ROCK1: variants seen among roughly 807,000 people sequenced by gnomAD.
The protein encoded by ROCK1 is rho-associated protein kinase 1.
A neutral mutation model predicts 196.8 loss-of-function variants in ROCK1; 36 were observed. The ratio of observed to expected loss-of-function variants is 0.18; its 90% confidence interval spans 0.14 to 0.24. The LOEUF (loss-of-function observed/expected upper bound fraction) is 0.24. ROCK1 is among the 10% of genes least tolerant of loss of function. The pLI is 1.00. For synonymous variants in ROCK1, 443 were observed against 515.9 expected, an observed-to-expected ratio of 0.86 and a Z score of 1.91; for missense variants, 920 against 1,562.0, an observed-to-expected ratio of 0.59 and a Z score of 6.93.
At chr18:21,070,667 CTTT>C in intron 1 of ROCK1, 54 bp from the exon 2 acceptor site, 1 of 1,120,194 alleles carries the variant, frequency 8.9e-7, no homozygotes, top group Non-Finnish European at 1.3e-6. Flanking sequence ...ATACAGTCTC[CTTT>C]TTTATGAAAG....
chr18:20,982,660 G>C (rs1366898644), intron 21 of ROCK1, 103 bp downstream of exon 21: 3 of 600,646 alleles, frequency 5.0e-6, no homozygotes, highest in Non-Finnish European at 9.0e-6. Flanking sequence ...AGAAGATGAA[G>C]AGTCATTTGA....
At chr18:21,091,370 C>T (rs1488816831) in intron 1 of ROCK1, among the ~76,000 whole-genome samples, 15 of 152,012 alleles carry the variant, frequency 9.9e-5, no homozygotes, top group Non-Finnish European at 2.1e-4. Flanking sequence ...TCTGGGAGGC[C>T]GAGGTGGGTG....
At chr18:21,020,037 A>C (rs2035901112) in intron 12 of ROCK1, 114 bp downstream of exon 12, 1 of 570,666 alleles carries the variant, frequency 1.8e-6, no homozygotes, top group Non-Finnish European at 3.0e-6. Context: ...TATCAGTAGT[A>C]ATCTTTACAT....
chr18:21,030,523 G>GA (rs2035996775), intron 9 of ROCK1, among the ~76,000 whole-genome samples: 1 of 152,156 alleles, frequency 6.6e-6, no homozygotes. Context: ...TGCTGTTTCT[G>GA]ATGGACCTAC....
intron 10 of ROCK1, 30 bp from the exon 11 acceptor site, chr18:21,023,710 GAAAAC>G: frequency 5.9e-6 from 8 of 1,349,086 alleles, no homozygotes; most frequent in Non-Finnish European, 8.2e-6. Flanking sequence ...AAAAAGAAAA[GAAAAC>G]AAAAAACTCT....
chr18:21,026,974 C>T lies in ROCK1; in HGVS notation c.1211+1802G>A, dbSNP rs142823788. On this transcript the variant is annotated intron_variant, in intron 10 of 32. Coordinates refer to ENST00000399799, the MANE Select transcript of ROCK1 (RefSeq NM_005406.3). ...TTTTTTTTGAGACAGAGTCTCGCTCCATTGCCCAGGCTGGAGTGCAGTGGC... is the reference window on the plus strand; with the variant it reads ...TTTTTTTTGAGACAGAGTCTCGCTCTATTGCCCAGGCTGGAGTGCAGTGGC... Among the ~76,000 whole-genome samples, 403 of 149,820 alleles carry T rather than the reference C, an allele frequency of 2.7e-3. 1 individual carries two copies. Among genetic ancestry groups the T allele is most frequent in the African/African-American group, 9.0e-3 (365 of 40,694 alleles).
chr18:21,054,512 G>A (rs1379411293), intron 2 of ROCK1, among the ~76,000 whole-genome samples: 7 of 151,758 alleles, frequency 4.6e-5, no homozygotes, highest in East Asian at 1.9e-4. Context: ...TTAGACAACC[G>A]ACCCTGAAAG....
chr18:21,020,988 G>T (rs2035908537), intron 11 of ROCK1, among the ~76,000 whole-genome samples: 1 of 152,176 alleles, frequency 6.6e-6, no homozygotes, highest in African/African-American at 2.4e-5. Context: ...ACAGCTTAGA[G>T]GGCAGTGAAG....
intron 6 of ROCK1, among the ~76,000 whole-genome samples, chr18:21,043,130 G>A (rs2036122041): frequency 6.6e-6 from 1 of 152,062 alleles, no homozygotes; most frequent in Non-Finnish European, 1.5e-5. Context: ...GGAGTTCATA[G>A]GATAGGGCAT....
intron 27 of ROCK1, among the ~76,000 whole-genome samples, chr18:20,965,486 T>C (rs1378857943): frequency 6.6e-6 from 1 of 151,820 alleles, no homozygotes; most frequent in Non-Finnish European, 1.5e-5. Context: ...ATACATAGAG[T>C]AAGAATCCCT....
At chr18:20,999,835 G>C (rs375574860) in intron 16 of ROCK1, among the ~76,000 whole-genome samples, 2 of 151,982 alleles carry the variant, frequency 1.3e-5, no homozygotes, top group Non-Finnish European at 2.9e-5. Flanking sequence ...CATGTTGCTC[G>C]GGGGGGTCTC....
chr18:20,973,942 T>C (rs753023251), intron 22 of ROCK1, among the ~76,000 whole-genome samples: 6 of 151,822 alleles, frequency 4.0e-5, no homozygotes, highest in Non-Finnish European at 7.4e-5. Flanking sequence ...CCGTAATTTT[T>C]TGTATTTTTA....
At chr18:21,082,785 C>T (rs2036493638) in intron 1 of ROCK1, among the ~76,000 whole-genome samples, 1 of 152,158 alleles carries the variant, frequency 6.6e-6, no homozygotes, top group African/African-American at 2.4e-5. Flanking sequence ...AAAGATGTCA[C>T]CTTTTGTCAC....
In ROCK1 at chr18:20,964,844, A is replaced by G. The variant is rs536248638; in HGVS notation, c.3352+2073T>C. 2.6e-5 allele frequency among the ~76,000 whole-genome samples: 4 copies of G among 152,314 alleles called. No homozygotes were observed. The East Asian group carries it at 7.7e-4, about 29-fold the overall frequency. ...CTAAGTCTGCCAATGAAGCCAGCTG[A>G]TGGCACTATGAGCTTAGCCTTTCTG... On this transcript the variant is annotated intron_variant, in intron 27 of 32. Coordinates refer to ENST00000399799, the MANE Select transcript of ROCK1 (RefSeq NM_005406.3).
chr18:21,078,866 A>C (rs569143568), intron 1 of ROCK1, among the ~76,000 whole-genome samples: 1 of 152,192 alleles, frequency 6.6e-6, no homozygotes, highest in Admixed American at 6.5e-5. Flanking sequence ...TGAAGTGGCT[A>C]TTCTCAGGAG....
chr18:20,979,031 G>C (rs554136414), intron 22 of ROCK1, among the ~76,000 whole-genome samples: 17 of 152,304 alleles, frequency 1.1e-4, no homozygotes, highest in Middle Eastern at 3.4e-3. Context: ...CTCCGCAGGA[G>C]TTACTATCTT....
At chr18:21,080,074 G>A (rs954114026) in intron 1 of ROCK1, among the ~76,000 whole-genome samples, 2 of 152,110 alleles carry the variant, frequency 1.3e-5, no homozygotes, top group Non-Finnish European at 2.9e-5. Context: ...TGTGATCCAC[G>A]TGTGTTCCTG....
In ROCK1 at chr18:20,992,900, G is replaced by C. The variant is rs2035638702; in HGVS notation, c.1923C>G (p.Leu641=). 1 of 1,612,386 alleles carries C rather than the reference G, an allele frequency of 6.2e-7. No individual in the cohort carries two copies. Among genetic ancestry groups the C allele is most frequent in the South Asian group, 1.1e-5 (1 of 90,990 alleles). Residue 641 remains leucine (L), a synonymous_variant, in exon 17 of 33, where the codon CTC becomes CTG. Coordinates refer to ENST00000399799, the MANE Select transcript of ROCK1 (RefSeq NM_005406.3). ...ITSLQEEVKH[L]KHNLEKVEGE... ...CTTCCACTTTTTCGAGATTATGTTT[G>C]AGATGCTTCACCTCCTCTTGTAAAG...
At chr18:21,013,827 G>A (rs780775761) in intron 13 of ROCK1, among the ~76,000 whole-genome samples, 1 of 152,070 alleles carries the variant, frequency 6.6e-6, no homozygotes, top group Non-Finnish European at 1.5e-5. Flanking sequence ...ACTTTGGGAG[G>A]CCAAGGCGGG....
Sources: allele counts gnomAD v4.1 joint callset (sites outside exome capture counted in the v4.1 genomes callset), GRCh38; gene constraint gnomAD v4.1.1; transcripts MANE v1.5; gene names NCBI Gene and HGNC (gene_info 2026-07-23, HGNC 2026-07-21).